The following IMPG1 variants were observed in gnomAD, a reference collection of about 807,000 sequenced individuals.
The protein encoded by IMPG1 is interphotoreceptor matrix proteoglycan 1, also known as interphotoreceptor matrix proteoglycan of 150 kDa.
In IMPG1, 85 loss-of-function variants were observed where a neutral mutation model predicts 92.0. The observed-to-expected ratio is 0.92, with a 90% CI of 0.78 to 1.11. The LOEUF is 1.11. IMPG1 is among the 50% of genes least tolerant of loss of function. The probability of loss-of-function intolerance (pLI) is 0.00; values close to 1 mark genes in which losing one functional copy is unlikely to be tolerated. For synonymous variants in IMPG1, 367 were observed against 334.1 expected (o/e 1.10, Z -1.08); for missense variants, 1,022 against 956.0 (o/e 1.07, Z -0.91).
At chr6:75,952,181 A>T (rs919606001) in intron 12 of IMPG1, among the ~76,000 whole-genome samples, 1 of 152,198 alleles carries the variant, frequency 6.6e-6, no homozygotes, top group African/African-American at 2.4e-5. Context: ...AATAAACCTA[A>T]ATCCAGAGCC....
intron 14 of IMPG1, among the ~76,000 whole-genome samples, chr6:75,936,167 T>A (rs547020056): frequency 6.6e-6 from 1 of 152,342 alleles, no homozygotes; most frequent in Admixed American, 6.5e-5. Flanking sequence ...GAACATAGGT[T>A]AGCATCTCTG....
In IMPG1 at chr6:75,922,124, C is replaced by T; in HGVS notation, c.2359G>A (p.Glu787Lys). The change falls in exon 17 of 17, where the codon GAA becomes AAA. Residue 787 changes from glutamate (E) to lysine (K), a missense_variant. Physicochemically the swap from Glu to Lys is moderately conservative, Grantham distance 56. This residue lies in a region of IMPG1 where 332 missense variants were observed against 346.2 expected (regional missense o/e 0.96). Transcript: ENST00000369950. ...TCCCAATCTTGATGGTTAAATTCTT[C>T]ATATTCTACGGTCAGTAATTCAGAA... ...RNSELLTVEY[E>K]EFNHQDWEGN is the part of the protein sequence containing the mutation. The T allele has an allele frequency of 7.2e-7, 1 of 1,394,392 alleles. No individual in the cohort carries two copies. The highest frequency in any genetic ancestry group is 1.0e-6 in the Non-Finnish European group (1 of 990,848). 86.4% of individuals were successfully genotyped at this position (1,394,392 alleles called of 1,614,324 possible).
intron 14 of IMPG1, among the ~76,000 whole-genome samples, chr6:75,931,486 C>T (rs1053324721): frequency 3.9e-5 from 6 of 152,182 alleles, no homozygotes; most frequent in Non-Finnish European, 8.8e-5. Flanking sequence ...AGTTCTGGCT[C>T]TAAAGCAGTT....
intron 2 of IMPG1, among the ~76,000 whole-genome samples, chr6:76,041,128 A>C (rs1197641111): frequency 6.6e-6 from 1 of 152,214 alleles, no homozygotes; most frequent in Non-Finnish European, 1.5e-5. Flanking sequence ...AATAGTAGCT[A>C]CCAAAGATTT....
At chr6:76,043,891 G>A (rs563507299) in intron 1 of IMPG1, among the ~76,000 whole-genome samples, 1 of 152,332 alleles carries the variant, frequency 6.6e-6, no homozygotes, top group East Asian at 1.9e-4. Flanking sequence ...ATGGCCAGCA[G>A]CAACTGGATC....
At chr6:75,979,520 A>G (rs1370056785) in intron 12 of IMPG1, among the ~76,000 whole-genome samples, 2 of 152,234 alleles carry the variant, frequency 1.3e-5, no homozygotes, top group Non-Finnish European at 2.9e-5. Flanking sequence ...TCAATAATGG[A>G]TCTCAAAACC....
At chr6:75,970,373 C>T (rs977695209) in intron 12 of IMPG1, among the ~76,000 whole-genome samples, 1 of 151,624 alleles carries the variant, frequency 6.6e-6, no homozygotes, top group Admixed American at 6.6e-5. Context: ...TCTTAAAGCA[C>T]TAAAGGCCAT....
intron 4 of IMPG1, among the ~76,000 whole-genome samples, chr6:76,033,830 T>A (rs1783690962): frequency 6.6e-6 from 1 of 152,228 alleles, no homozygotes; most frequent in Non-Finnish European, 1.5e-5. Flanking sequence ...GTTTTTTGAT[T>A]TTCTTATTTG....
At chr6:75,955,255 T>C (rs377754052) in intron 12 of IMPG1, among the ~76,000 whole-genome samples, 2 of 152,190 alleles carry the variant, frequency 1.3e-5, no homozygotes, top group East Asian at 3.8e-4. Context: ...GAATGGAATG[T>C]TTTTCCGTTT....
At chr6:75,969,122 T>C (rs1489728656) in intron 12 of IMPG1, among the ~76,000 whole-genome samples, 1 of 152,096 alleles carries the variant, frequency 6.6e-6, no homozygotes, top group Non-Finnish European at 1.5e-5. Context: ...TACAAGTAGA[T>C]AGTAAACTGG....
chr6:75,982,536 T>C (rs201355160), intron 12 of IMPG1, among the ~76,000 whole-genome samples: 3 of 143,802 alleles, frequency 2.1e-5, no homozygotes, highest in Non-Finnish European at 3.0e-5. Context: ...AAAAAAAAAA[T>C]GTGTATATCT....
At chr6:75,939,428 C>G (rs183250359) in intron 14 of IMPG1, among the ~76,000 whole-genome samples, 7 of 152,200 alleles carry the variant, frequency 4.6e-5, no homozygotes, top group Non-Finnish European at 1.0e-4. Flanking sequence ...TCAATTCCCA[C>G]CTATGAGTGA....
rs58671040 is a variant in IMPG1, at chr6:75,974,408, C to CCTTG, written c.1292-23315_1292-23314insCAAG. On this transcript the variant is annotated intron_variant, in intron 12 of 16. Transcript: ENST00000369950. ...CTTTCTTTCTTTTCTTTCTTTCCTT[C>CCTTG]CTTCCTTCCTTCCTTCCTTGCTTCC... Among the ~76,000 whole-genome samples the CCTTG allele has an allele frequency of 6.3e-3, 780 of 123,048 alleles. 29 individuals are homozygous for CCTTG. The highest frequency in any genetic ancestry group is 0.019 in the East Asian group (73 of 3,786). The allele number at this position is 123,048 out of a possible 152,430, so 80.7% of individuals were successfully genotyped here. A position where few individuals can be genotyped will look rare whatever the true frequency, so the allele number is the denominator to read the frequency against.
intron 1 of IMPG1, among the ~76,000 whole-genome samples, chr6:76,053,164 A>C (rs1439481997): frequency 6.6e-6 from 1 of 152,202 alleles, no homozygotes; most frequent in East Asian, 1.9e-4. Context: ...CATAAGTTTC[A>C]GAATGTGGAG....
intron 1 of IMPG1, among the ~76,000 whole-genome samples, chr6:76,049,017 C>G (rs1783991810): frequency 6.6e-6 from 1 of 152,144 alleles, no homozygotes; most frequent in African/African-American, 2.4e-5. Context: ...ACTATACAGC[C>G]ATAAAAAGGA....
intron 6 of IMPG1, among the ~76,000 whole-genome samples, chr6:76,020,759 G>A (rs1400151910): frequency 6.6e-6 from 1 of 152,098 alleles, no homozygotes; most frequent in African/African-American, 2.4e-5. Context: ...CTATCTAAGG[G>A]GTTTGGGGAG....
rs1490672310 is a variant in IMPG1 at position 75,950,011 on chromosome 6, AGT to A, written c.1824+549_1824+550del. Among the ~76,000 whole-genome samples the A allele has an allele frequency of 5.6e-4, 85 of 152,266 alleles. 1 individual carries two copies. Among genetic ancestry groups the A allele is most frequent in the Admixed American group, 5.6e-3 (85 of 15,296 alleles). ...GAAACAAAATAAACGTGAGTTTGGG[AGT>A]ATCTTATTATCAAAGATATATGTCA... On this transcript the variant is annotated intron_variant, in intron 13 of 16. Transcript: ENST00000369950.
intron 12 of IMPG1, among the ~76,000 whole-genome samples, chr6:75,977,562 G>C (rs1276366548): frequency 3.3e-5 from 5 of 150,070 alleles, no homozygotes; most frequent in Non-Finnish European, 3.0e-5. Flanking sequence ...ACTCCAGCCT[G>C]GGCAACAAGA....
intron 7 of IMPG1, among the ~76,000 whole-genome samples, chr6:76,017,411 A>G (rs1783309313): frequency 6.6e-6 from 1 of 152,234 alleles, no homozygotes; most frequent in South Asian, 2.1e-4. Flanking sequence ...CTTATCACCC[A>G]TGAAAAATAT....
Sources: gnomAD v4.1 joint callset for allele counts (sites outside exome capture counted in the v4.1 genomes callset) on GRCh38, gnomAD v4.1.1 for gene constraint, gnomAD v4.1.1 regional missense constraint, MANE v1.5 for transcripts, NCBI Gene and HGNC (gene_info 2026-07-23, HGNC 2026-07-21) for gene names.